RANBP2: variants seen among roughly 807,000 people sequenced by gnomAD.
RANBP2 encodes E3 SUMO-protein ligase RanBP2.
A neutral mutation model predicts 303.6 loss-of-function variants in RANBP2; 57 were observed. That is an observed-to-expected ratio of 0.19 (90% CI 0.15 to 0.23). RANBP2 has a LOEUF of 0.23. RANBP2 is among the 10% of genes least tolerant of loss of function. RANBP2 has a pLI of 1.00. For missense variants in RANBP2, 3,138 were observed against 3,780.8 expected (o/e 0.83, Z 4.46); for synonymous variants, 1,167 against 1,301.5 (o/e 0.90, Z 2.23).
chr2:109,722,761 T>C, the RANBP2 span, among the ~76,000 whole-genome samples: 1 of 152,230 alleles, frequency 6.6e-6, no homozygotes, highest in East Asian at 1.9e-4. Context: ...ATTAGTTTGC[T>C]GAAGATAATG....
the RANBP2 span, among the ~76,000 whole-genome samples, chr2:109,188,474 G>A: frequency 6.6e-6 from 1 of 152,192 alleles, no homozygotes; most frequent in Non-Finnish European, 1.5e-5. Flanking sequence ...GTTTCCCCCT[G>A]GGGTTTGTGT....
the RANBP2 span, among the ~76,000 whole-genome samples, chr2:109,326,475 A>G: frequency 3.2e-4 from 49 of 152,260 alleles, no homozygotes; most frequent in African/African-American, 1.2e-3. Context: ...CAGTGGTGAG[A>G]GACGTTTCCT....
the RANBP2 span, among the ~76,000 whole-genome samples, chr2:109,601,106 C>T: frequency 6.6e-6 from 1 of 152,204 alleles, no homozygotes; most frequent in Non-Finnish European, 1.5e-5. Flanking sequence ...CTCCATTATA[C>T]AGGCATGGTT....
chr2:109,630,864 G>A, the RANBP2 span, among the ~76,000 whole-genome samples: 1 of 152,248 alleles, frequency 6.6e-6, no homozygotes, highest in East Asian at 1.9e-4. Context: ...TCAGGAGTTC[G>A]AGACCAGCCT....
chr2:108,971,362 A>C, the RANBP2 span, among the ~76,000 whole-genome samples: 4 of 152,028 alleles, frequency 2.6e-5, no homozygotes, highest in East Asian at 7.7e-4. Flanking sequence ...CGCACCCGAG[A>C]CCTCCAGTAT....
At chr2:109,480,276 C>A in the RANBP2 span, among the ~76,000 whole-genome samples, 1 of 152,204 alleles carries the variant, frequency 6.6e-6, no homozygotes, top group Non-Finnish European at 1.5e-5. Flanking sequence ...GTGCCCAGCA[C>A]TTGAGCCCCA....
chr2:109,111,985 G>A, the RANBP2 span, among the ~76,000 whole-genome samples: 1 of 152,058 alleles, frequency 6.6e-6, no homozygotes, highest in African/African-American at 2.4e-5. Flanking sequence ...TGGCTGCATA[G>A]TATTCCATGG....
the RANBP2 span, among the ~76,000 whole-genome samples, chr2:109,695,385 G>C: frequency 6.6e-6 from 1 of 152,106 alleles, no homozygotes; most frequent in Non-Finnish European, 1.5e-5. Context: ...CTAATTTTGA[G>C]ACTCTGGATC....
the RANBP2 span, among the ~76,000 whole-genome samples, chr2:109,151,862 C>T: frequency 3.9e-5 from 6 of 152,310 alleles, no homozygotes; most frequent in Admixed American, 6.5e-5. Context: ...CTATGATTTC[C>T]GAATTGTCAT....
chr2:109,355,796 C>A, the RANBP2 span, among the ~76,000 whole-genome samples: 4 of 152,324 alleles, frequency 2.6e-5, no homozygotes, highest in South Asian at 2.1e-4. Flanking sequence ...ATACAAAGCC[C>A]ATTTGGTGTT....
chr2:109,567,878 G>T, the RANBP2 span: 1 of 1,613,888 alleles, frequency 6.2e-7, no homozygotes, highest in African/African-American at 1.3e-5. Flanking sequence ...ATATCTGGAC[G>T]CCATTGCTGA....
At chr2:109,675,197 C>A in the RANBP2 span, among the ~76,000 whole-genome samples, 2 of 152,096 alleles carry the variant, frequency 1.3e-5, no homozygotes, top group East Asian at 1.9e-4. Flanking sequence ...TTTTAAAGGG[C>A]CCTGGGTGCT....
chr2:108,921,350 G>C, the RANBP2 span, among the ~76,000 whole-genome samples: 2 of 152,192 alleles, frequency 1.3e-5, no homozygotes, highest in Admixed American at 1.3e-4. Context: ...CTCAGCCAGG[G>C]GCCCTTGGCA....
intron 1 of RANBP2, among the ~76,000 whole-genome samples, chr2:108,726,431 T>C (rs968844872): frequency 6.8e-6 from 1 of 147,108 alleles, no homozygotes; most frequent in Non-Finnish European, 1.5e-5. Context: ...AAGAGGTGAG[T>C]TTTTTTGTTT....
At chr2:109,216,469 G>T in the RANBP2 span, among the ~76,000 whole-genome samples, 1 of 152,212 alleles carries the variant, frequency 6.6e-6, no homozygotes, top group African/African-American at 2.4e-5. Flanking sequence ...GCGGTGCAGG[G>T]CTTATCCATG....
the RANBP2 span, chr2:109,437,268 G>A: frequency 2.8e-6 from 4 of 1,408,878 alleles, no homozygotes; most frequent in East Asian, 7.5e-5. Context: ...CAGCTTCATG[G>A]CAGCTGGAGA....
At chr2:109,124,157 C>T in the RANBP2 span, among the ~76,000 whole-genome samples, 1 of 151,722 alleles carries the variant, frequency 6.6e-6, no homozygotes, top group Non-Finnish European at 1.5e-5. Context: ...ATTAAAGGCA[C>T]ATGCCACCAC....
chr2:108,789,001 C>T (rs1398383861), downstream of RANBP2: 5 of 1,607,486 alleles, frequency 3.1e-6, no homozygotes, highest in Non-Finnish European at 4.2e-6. Flanking sequence ...TTGCTACCCC[C>T]TCAGTATCTC....
the RANBP2 span, among the ~76,000 whole-genome samples, chr2:109,699,094 T>C: frequency 6.6e-6 from 1 of 152,196 alleles, no homozygotes; most frequent in African/African-American, 2.4e-5. Flanking sequence ...CTGTCCCAGG[T>C]TGTGAAGCCT....
Sources: gnomAD v4.1 joint callset for allele counts (sites outside exome capture counted in the v4.1 genomes callset) on GRCh38, gnomAD v4.1.1 for gene constraint, MANE v1.5 for transcripts, NCBI Gene and HGNC (gene_info 2026-07-23, HGNC 2026-07-21) for gene names.